Variants in GRM7 observed in about 807,000 individuals in gnomAD.
GRM7 encodes glutamate metabotropic receptor 7, also known as metabotropic glutamate receptor 7.
In GRM7, 35 loss-of-function variants were observed where a neutral mutation model predicts 84.5. That is an observed-to-expected ratio of 0.41 (90% CI 0.32 to 0.55). GRM7 has a LOEUF of 0.55. GRM7 is among the 20% of genes least tolerant of loss of function. The probability of loss-of-function intolerance (pLI) is 0.19; values close to 1 mark genes in which losing one functional copy is unlikely to be tolerated. For missense variants in GRM7, 1,003 were observed against 1,194.6 expected (o/e 0.84, Z 2.36); for synonymous variants, 487 against 455.1 (o/e 1.07, Z -0.89).
At chr3:7,024,267 A>G (rs749815775) in intron 1 of GRM7, among the ~76,000 whole-genome samples, 69 of 152,260 alleles carry the variant, frequency 4.5e-4, no homozygotes, top group Non-Finnish European at 7.8e-4. Context: ...GGAAGGCTTA[A>G]TGTCTAAACC....
At chr3:7,440,796 C>T (rs1697256161) in intron 5 of GRM7, among the ~76,000 whole-genome samples, 1 of 152,102 alleles carries the variant, frequency 6.6e-6, no homozygotes. Context: ...GCCTTCAGTT[C>T]CATCCTTGTT....
chr3:7,529,392 T>C (rs1480872109), intron 7 of GRM7, among the ~76,000 whole-genome samples: 1 of 152,134 alleles, frequency 6.6e-6, no homozygotes, highest in Non-Finnish European at 1.5e-5. Flanking sequence ...GCAAGCCAGC[T>C]GTCTATTCGC....
chr3:7,293,122 ATCAATAGAGCT>A (rs1699694803), intron 2 of GRM7, among the ~76,000 whole-genome samples: 1 of 152,052 alleles, frequency 6.6e-6, no homozygotes, highest in East Asian at 1.9e-4. Context: ...TAATAGAATC[ATCAATAGAGCT>A]GCATTGTGTA....
intron 1 of GRM7, among the ~76,000 whole-genome samples, chr3:6,951,974 T>A (rs1259916830): frequency 6.6e-6 from 1 of 152,224 alleles, no homozygotes; most frequent in Non-Finnish European, 1.5e-5. Context: ...TATTTTGTTT[T>A]CTGAAATCCA....
chr3:7,615,710 C>A (rs548911372), intron 8 of GRM7, among the ~76,000 whole-genome samples: 1 of 151,898 alleles, frequency 6.6e-6, no homozygotes, highest in Non-Finnish European at 1.5e-5. Flanking sequence ...AAGCAGATGG[C>A]TCTTAGGGAA....
chr3:7,358,144 A>G (rs1228523762), intron 4 of GRM7, among the ~76,000 whole-genome samples: 1 of 152,154 alleles, frequency 6.6e-6, no homozygotes, highest in Non-Finnish European at 1.5e-5. Flanking sequence ...TAGGTTAGCA[A>G]TGTAGGGATG....
chr3:7,642,219 C>T (rs1438621886), intron 8 of GRM7, among the ~76,000 whole-genome samples: 1 of 152,048 alleles, frequency 6.6e-6, no homozygotes, highest in African/African-American at 2.4e-5. Flanking sequence ...CCGGAGCTAC[C>T]AACATACCTT....
chr3:7,440,830 C>CT (rs1328690749), intron 5 of GRM7, among the ~76,000 whole-genome samples: 2 of 152,018 alleles, frequency 1.3e-5, no homozygotes, highest in African/African-American at 4.8e-5. Flanking sequence ...TTATCTCATT[C>CT]TTTTTTTATG....
chr3:7,124,119 G>C (rs1392158369), intron 1 of GRM7, among the ~76,000 whole-genome samples: 1 of 151,970 alleles, frequency 6.6e-6, no homozygotes, highest in Non-Finnish European at 1.5e-5. Context: ...ACTGTAACTG[G>C]TATGTTTATT....
At chr3:7,653,180 CTTTTTT>C (rs1218949173) in intron 8 of GRM7, among the ~76,000 whole-genome samples, 13 of 89,520 alleles carry the variant, frequency 1.5e-4, no homozygotes, top group African/African-American at 2.2e-4. Context: ...ATACTATATC[CTTTTTT>C]TTTTTTTTTT....
intron 1 of GRM7, among the ~76,000 whole-genome samples, chr3:7,084,396 C>A (rs2125001123): frequency 6.6e-6 from 1 of 152,128 alleles, no homozygotes; most frequent in South Asian, 2.1e-4. Flanking sequence ...TGATGCTGAT[C>A]AAAGTTTAAG....
intron 1 of GRM7, among the ~76,000 whole-genome samples, chr3:6,884,851 G>T (rs1313062710): frequency 6.6e-6 from 1 of 152,050 alleles, no homozygotes; most frequent in Non-Finnish European, 1.5e-5. Context: ...ACCCACCTCG[G>T]CCTCCCAAAG....
intron 2 of GRM7, among the ~76,000 whole-genome samples, chr3:7,253,616 TAAAA>T (rs138776034): frequency 3.4e-4 from 41 of 121,146 alleles, no homozygotes; most frequent in Admixed American, 5.2e-4. Flanking sequence ...AAACTCCATC[TAAAA>T]AAAAAAAAAA....
intron 9 of GRM7, among the ~76,000 whole-genome samples, chr3:7,710,385 G>C (rs1701540025): frequency 6.6e-6 from 1 of 152,094 alleles, no homozygotes; most frequent in Non-Finnish European, 1.5e-5. Flanking sequence ...GTGCAGCCCT[G>C]TCACTCACAA....
chr3:7,323,857 C>A (rs981789583), intron 4 of GRM7, among the ~76,000 whole-genome samples: 3 of 152,126 alleles, frequency 2.0e-5, no homozygotes, highest in Non-Finnish European at 4.4e-5. Flanking sequence ...GTAAGAACTA[C>A]TTTAGAGCTA....
chr3:7,016,339 T>A (rs1695564633), intron 1 of GRM7, among the ~76,000 whole-genome samples: 1 of 152,186 alleles, frequency 6.6e-6, no homozygotes, highest in African/African-American at 2.4e-5. Context: ...GTGAAGTCAC[T>A]CAAAGAGATA....
chr3:7,034,519 G>A (rs1696306661), intron 1 of GRM7, among the ~76,000 whole-genome samples: 1 of 152,050 alleles, frequency 6.6e-6, no homozygotes, highest in Admixed American at 6.6e-5. Flanking sequence ...ATATGTTTGT[G>A]TATATGTACA....
chr3:7,264,810 A>AG (rs71063296), intron 2 of GRM7, among the ~76,000 whole-genome samples: 152,274 of 152,278 alleles, frequency 1, 76,135 homozygotes, highest in Middle Eastern at 1. Context: ...CTTCCAGTAC[A>AG]GGCCACAAAG....
At chr3:6,948,564 A>G (rs918638785) in intron 1 of GRM7, among the ~76,000 whole-genome samples, 4 of 152,152 alleles carry the variant, frequency 2.6e-5, no homozygotes, top group African/African-American at 9.7e-5. Flanking sequence ...GTAGATGTCT[A>G]TTAGGTCCGC....
Sources: allele counts gnomAD v4.1 joint callset (sites outside exome capture counted in the v4.1 genomes callset), GRCh38; gene constraint gnomAD v4.1.1; transcripts MANE v1.5; gene names NCBI Gene and HGNC (gene_info 2026-07-23, HGNC 2026-07-21).